SUPT16H: variants seen among roughly 807,000 people sequenced by gnomAD.
The protein encoded by SUPT16H is FACT complex subunit SPT16.
Under a neutral mutation model 136.2 loss-of-function variants are expected in SUPT16H, and 24 were observed. The ratio of observed to expected loss-of-function variants is 0.18; its 90% CI spans 0.13 to 0.25. SUPT16H has a LOEUF of 0.25. Ranked by LOEUF, SUPT16H falls within the 10% of genes least tolerant of loss-of-function variation. The pLI is 1.00. For synonymous variants in SUPT16H, 415 were observed against 428.2 expected, an observed-to-expected ratio of 0.97 and a Z score of 0.38; for missense variants, 623 against 1,270.2, an observed-to-expected ratio of 0.49 and a Z score of 7.74.
chr14:21,372,278 T>C (rs1025398421), intron 2 of SUPT16H: 13 of 467,710 alleles, frequency 2.8e-5, no homozygotes, highest in Non-Finnish European at 4.5e-5. Context: ...TTTATATGCT[T>C]GAACTTTCTA....
chr14:21,381,722 G>C (rs1887029437), intron 1 of SUPT16H, among the ~76,000 whole-genome samples: 1 of 151,336 alleles, frequency 6.6e-6, no homozygotes, highest in Admixed American at 6.6e-5. Flanking sequence ...GGATCCTTCT[G>C]CCTCAGCATC....
intron 1 of SUPT16H, among the ~76,000 whole-genome samples, chr14:21,373,874 CCCA>C (rs575164844): frequency 8.2e-4 from 125 of 152,178 alleles, no homozygotes; most frequent in Admixed American, 3.4e-3. Context: ...ATTACAGGTG[CCCA>C]CCACCACACC....
chr14:21,383,853 C>A lies in SUPT16H; in HGVS notation c.66+9G>T, dbSNP rs1443594398. On this transcript the variant is annotated intron_variant, in intron 1 of 25. Transcript: ENST00000216297. ...GGCTCCCTAGGAAAAATTACAGGAT[C>A]TTCCTCACCCGCCAATTGCTGTACA... 1 of 1,613,918 alleles carries A rather than the reference C, an allele frequency of 6.2e-7. No individual in the cohort carries two copies. The highest frequency in any genetic ancestry group is 8.5e-7 in the Non-Finnish European group (1 of 1,180,004).
In SUPT16H at chr14:21,364,926, G is replaced by A. The variant is rs1886633775; in HGVS notation, c.1134C>T (p.Ser378=). Residue 378 remains serine (S), a synonymous_variant, in exon 10 of 26, where the codon AGC becomes AGT. Coordinates refer to ENST00000216297, the MANE Select transcript of SUPT16H (RefSeq NM_007192.4). ...TCAGGTCTGAGAATCCTAAATTGAT[G>A]CTGAAAACCATTCCTAAAACAGCAA... ...QYKLKKGMVF[S]INLGFSDLTN... is the part of the protein sequence containing the mutation. 24 of 1,614,054 alleles carry A rather than the reference G, an allele frequency of 1.5e-5. No homozygotes were observed. Among genetic ancestry groups the A allele is most frequent in the Non-Finnish European group, 1.9e-5 (23 of 1,180,008 alleles).
rs142849264 is a variant in SUPT16H, at chr14:21,355,270, G to A, written c.2661-730C>T. Among the ~76,000 whole-genome samples, 1,168 of 152,126 alleles carry A rather than the reference G, an allele frequency of 7.7e-3. 18 individuals are homozygous for A. Among genetic ancestry groups the A allele is most frequent in the African/African-American group, 0.026 (1,066 of 41,516 alleles). On this transcript the variant is annotated intron_variant, in intron 22 of 25. Transcript: ENST00000216297. ...AGCACTTTGGGAGGCCAAGGCAGGC[G>A]GATCACGAGGTCAGGAGATCGAGAC...
At chr14:21,364,301 A>G (rs10782384) in intron 10 of SUPT16H, among the ~76,000 whole-genome samples, 124,226 of 151,948 alleles carry the variant, frequency 0.82, 51,882 homozygotes, top group Middle Eastern at 0.92. Flanking sequence ...CTGCTCAGAT[A>G]TTTAGCAAAT....
At chr14:21,365,562 T>C (rs1886647137) in intron 8 of SUPT16H, among the ~76,000 whole-genome samples, 1 of 152,188 alleles carries the variant, frequency 6.6e-6, no homozygotes, top group Admixed American at 6.6e-5. Flanking sequence ...TATATAGGTA[T>C]ATATTTCCAT....
At chr14:21,371,026 C>T (rs762281101) in intron 3 of SUPT16H, among the ~76,000 whole-genome samples, 5 of 152,002 alleles carry the variant, frequency 3.3e-5, no homozygotes, top group African/African-American at 4.8e-5. Context: ...ATCCACTGCA[C>T]CCAGCCTTCC....
At chr14:21,359,383 A>G in intron 19 of SUPT16H, 101 bp downstream of exon 19, 1 of 1,511,038 alleles carries the variant, frequency 6.6e-7, no homozygotes, top group Non-Finnish European at 8.9e-7. Flanking sequence ...GGCGCGAGTC[A>G]CCACGCCAGC....
At position 21,352,608 on chromosome 14, in the gene SUPT16H, A is replaced by G; in HGVS notation, c.*65T>C. The G allele has an allele frequency of 6.2e-7, 1 of 1,606,074 alleles. No homozygotes were observed. The highest frequency in any genetic ancestry group is 1.1e-5 in the South Asian group (1 of 90,856). ...AAACGAAAGGAAAAATACAGTTTCT[A>G]TGTCATGTAAAATTTTCAGGGGTTG... On this transcript the variant is annotated 3_prime_UTR_variant, in exon 26 of 26. Coordinates refer to ENST00000216297, the MANE Select transcript of SUPT16H (RefSeq NM_007192.4).
intron 1 of SUPT16H, 78 bp from the exon 2 acceptor site, chr14:21,373,508 C>G: frequency 9.4e-7 from 1 of 1,067,926 alleles, no homozygotes; most frequent in Non-Finnish European, 1.5e-6. Context: ...TTATCTAGGA[C>G]AGGCATAATT....
At chr14:21,376,523 A>G (rs1341288212) in intron 1 of SUPT16H, among the ~76,000 whole-genome samples, 1 of 152,220 alleles carries the variant, frequency 6.6e-6, no homozygotes, top group Non-Finnish European at 1.5e-5. Context: ...AAGTCACTAC[A>G]TAGAAATTAT....
intron 1 of SUPT16H, among the ~76,000 whole-genome samples, chr14:21,373,657 T>C (rs187857248): frequency 6.6e-6 from 1 of 152,362 alleles, no homozygotes; most frequent in East Asian, 1.9e-4. Flanking sequence ...AGATCTATGT[T>C]TCATAGTTCA....
intron 3 of SUPT16H, 121 bp from the exon 4 acceptor site, chr14:21,370,609 C>T: frequency 2.7e-6 from 3 of 1,101,554 alleles, no homozygotes; most frequent in Non-Finnish European, 2.6e-6. Flanking sequence ...CTCCCATCCC[C>T]ACCTACTTTT....
rs1357951700 is a variant in SUPT16H, at chr14:21,352,414, ATATT to A, written c.*255_*258del. On this transcript the variant is annotated 3_prime_UTR_variant, in exon 26 of 26. Coordinates refer to ENST00000216297, the MANE Select transcript of SUPT16H (RefSeq NM_007192.4). ...GACAGGAAGAGAGAAGAATGAAACAATATTTATTAACAGCGGGAGCCTCCTCCTG... is the reference window on the plus strand; with the variant it reads ...GACAGGAAGAGAGAAGAATGAAACAATATTAACAGCGGGAGCCTCCTCCTG... 1 of 483,074 alleles carries A rather than the reference ATATT, an allele frequency of 2.1e-6. No homozygotes were observed. Among genetic ancestry groups the A allele is most frequent in the African/African-American group, 1.9e-5 (1 of 51,736 alleles). The allele number at this position is 483,074 out of a possible 1,614,324, so 29.9% of individuals were successfully genotyped here.
rs538266794 is a variant in SUPT16H at position 21,353,084 on chromosome 14, G to C, written c.2999-266C>G. On this transcript the variant is annotated intron_variant, in intron 25 of 25. Transcript: ENST00000216297. ...CTTTTAAGCTTTAAAACGTTTGTTT[G>C]GGGTTTGGCTTCAGAGTAACTAGAT... 2.8e-4 allele frequency among the ~76,000 whole-genome samples: 42 copies of C among 152,284 alleles called. No individual in the cohort carries two copies. The East Asian group carries it at 3.5e-3, about 13-fold the overall frequency.
In SUPT16H at chr14:21,353,574, A is replaced by C; in HGVS notation, c.2921-9T>G. ...TGACTCCTTAGAATAGTCTGGAAGAAAATTAATTAAGCGTTAGTCATCATG... is the reference window on the plus strand; with the variant it reads ...TGACTCCTTAGAATAGTCTGGAAGACAATTAATTAAGCGTTAGTCATCATG... On this transcript the variant is annotated splice_polypyrimidine_tract_variant and intron_variant, in intron 24 of 25. Coordinates refer to ENST00000216297, the MANE Select transcript of SUPT16H (RefSeq NM_007192.4). The C allele has an allele frequency of 6.2e-7, 1 of 1,613,256 alleles. No individual in the cohort carries two copies. The highest frequency in any genetic ancestry group is 8.5e-7 in the Non-Finnish European group (1 of 1,179,742).
intron 1 of SUPT16H, among the ~76,000 whole-genome samples, chr14:21,374,695 A>C (rs996197008): frequency 2.0e-5 from 3 of 152,220 alleles, no homozygotes; most frequent in African/African-American, 7.2e-5. Context: ...CATTGTGTAG[A>C]TATACCACAT....
intron 19 of SUPT16H, among the ~76,000 whole-genome samples, chr14:21,358,800 GTTTATTTA>G: frequency 6.6e-6 from 1 of 152,022 alleles, no homozygotes; most frequent in East Asian, 1.9e-4. Flanking sequence ...ATTCAGGGTT[GTTTATTTA>G]TTTATTTATT....
Sources: allele counts gnomAD v4.1 joint callset (sites outside exome capture counted in the v4.1 genomes callset), GRCh38; gene constraint gnomAD v4.1.1; transcripts MANE v1.5; gene names NCBI Gene and HGNC (gene_info 2026-07-23, HGNC 2026-07-21).